Variants in WDPCP observed in about 807,000 individuals in gnomAD.
The protein encoded by WDPCP is WD repeat-containing and planar cell polarity effector protein fritz homolog.
In WDPCP, 71 loss-of-function variants were observed where a neutral mutation model predicts 93.1. The observed-to-expected ratio is 0.76, with a 90% CI of 0.63 to 0.93. The LOEUF is 0.93. Among genes scored for constraint, WDPCP ranks in the 40% least tolerant of loss-of-function variants. The pLI is 0.00. For missense variants in WDPCP, 844 were observed against 887.4 expected (o/e 0.95, Z 0.62); for synonymous variants, 315 against 315.0 (o/e 1.00, Z 0.00).
intron 2 of WDPCP, among the ~76,000 whole-genome samples, chr2:63,682,389 G>A (rs551056768): frequency 7.2e-5 from 11 of 152,274 alleles, no homozygotes; most frequent in Admixed American, 5.2e-4. Flanking sequence ...ATATGCAATA[G>A]GCATACTGAA....
At chr2:63,514,853 T>C (rs1702453024) in intron 1 of WDPCP, among the ~76,000 whole-genome samples, 1 of 152,140 alleles carries the variant, frequency 6.6e-6, no homozygotes, top group South Asian at 2.1e-4. Context: ...AGAATAGATA[T>C]GAACTATCAA....
At chr2:63,460,879 G>C (rs1371007324) in intron 6 of WDPCP, among the ~76,000 whole-genome samples, 1 of 152,092 alleles carries the variant, frequency 6.6e-6, no homozygotes, top group African/African-American at 2.4e-5. Flanking sequence ...ACCCACCTCA[G>C]CCTCCCAAAG....
intron 3 of WDPCP, among the ~76,000 whole-genome samples, chr2:63,630,163 T>TA (rs1438708007): frequency 6.6e-6 from 1 of 151,930 alleles, no homozygotes; most frequent in Admixed American, 6.6e-5. Flanking sequence ...TGTATCTAAA[T>TA]AAATAGAATT....
intron 2 of WDPCP, among the ~76,000 whole-genome samples, chr2:63,730,010 G>A (rs1669537456): frequency 2.0e-5 from 3 of 152,190 alleles, no homozygotes; most frequent in Non-Finnish European, 4.4e-5. Context: ...TCCCCAGGCA[G>A]GGGCATAAGT....
intron 1 of WDPCP, among the ~76,000 whole-genome samples, chr2:63,496,054 C>T (rs1197520206): frequency 1.3e-5 from 2 of 152,094 alleles, no homozygotes; most frequent in Non-Finnish European, 2.9e-5. Flanking sequence ...CTAGACTATA[C>T]TAGAAAAATA....
chr2:63,153,969 T>C (rs1672058453), intron 15 of WDPCP, among the ~76,000 whole-genome samples: 1 of 151,900 alleles, frequency 6.6e-6, no homozygotes, highest in Admixed American at 6.5e-5. Context: ...GTAAAAGTAA[T>C]TCACTTTTGA....
intron 2 of WDPCP, among the ~76,000 whole-genome samples, chr2:63,712,411 G>C (rs374096985): frequency 7.4e-4 from 113 of 152,316 alleles, no homozygotes; most frequent in South Asian, 1.7e-3. Context: ...ACTGAAAGAC[G>C]AATATCAACT....
chr2:63,331,288 T>C (rs1481907338), intron 12 of WDPCP, among the ~76,000 whole-genome samples: 2 of 152,236 alleles, frequency 1.3e-5, no homozygotes, highest in Admixed American at 6.5e-5. Context: ...AGTGTTCTTT[T>C]GTTGGTATGA....
chr2:63,503,492 T>A (rs1239219823), intron 1 of WDPCP, among the ~76,000 whole-genome samples: 1 of 152,112 alleles, frequency 6.6e-6, no homozygotes, highest in African/African-American at 2.4e-5. Flanking sequence ...TATGCCTGCA[T>A]AAGCAAATAA....
At chr2:63,299,937 C>T (rs571893894) in intron 13 of WDPCP, among the ~76,000 whole-genome samples, 50 of 152,186 alleles carry the variant, frequency 3.3e-4, no homozygotes, top group Middle Eastern at 3.4e-3. Context: ...TTTAAGATGG[C>T]GGCTCCATCT....
intron 3 of WDPCP, chr2:63,607,086 G>A (rs2106632014): frequency 8.2e-7 from 1 of 1,216,442 alleles, no homozygotes; most frequent in South Asian, 1.7e-5. Flanking sequence ...TAAATTACTT[G>A]TGAAAAACAA....
At chr2:63,420,997 A>G (rs1441933285) in intron 9 of WDPCP, among the ~76,000 whole-genome samples, 2 of 152,140 alleles carry the variant, frequency 1.3e-5, no homozygotes, top group Admixed American at 1.3e-4. Context: ...ACTCACCTTC[A>G]ATTATATTAC....
At chr2:63,222,493 G>A (rs1307135216) in intron 14 of WDPCP, among the ~76,000 whole-genome samples, 1 of 152,188 alleles carries the variant, frequency 6.6e-6, no homozygotes, top group African/African-American at 2.4e-5. Flanking sequence ...TGTTTCACCT[G>A]CAGTTCTGGT....
At chr2:63,428,554 A>C (rs1019914344) in intron 9 of WDPCP, among the ~76,000 whole-genome samples, 1 of 152,230 alleles carries the variant, frequency 6.6e-6, no homozygotes, top group East Asian at 1.9e-4. Context: ...ACACCCAACA[A>C]ACTCGGTATC....
chr2:63,522,224 C>T (rs1305992479), intron 1 of WDPCP, among the ~76,000 whole-genome samples: 3 of 151,334 alleles, frequency 2.0e-5, no homozygotes, highest in Non-Finnish European at 2.9e-5. Flanking sequence ...CTCCCTGTGT[C>T]GATGTGTTCT....
intron 17 of WDPCP, among the ~76,000 whole-genome samples, chr2:63,123,428 C>G (rs1669681468): frequency 6.6e-6 from 1 of 152,074 alleles, no homozygotes; most frequent in African/African-American, 2.4e-5. Flanking sequence ...GTAGTGTCTT[C>G]TATCCATGAT....
chr2:63,742,984 A>ATGCCAAAAGGGATGTTTACATC, intron 2 of WDPCP, among the ~76,000 whole-genome samples: 1 of 152,076 alleles, frequency 6.6e-6, no homozygotes, highest in South Asian at 2.1e-4. Flanking sequence ...TTGAGCCTCT[A>ATGCCAAAAGGGATGTTTACATC]TTTTATGCCA....
intron 2 of WDPCP, among the ~76,000 whole-genome samples, chr2:63,724,941 G>T (rs1202545579): frequency 6.6e-6 from 1 of 152,190 alleles, no homozygotes; most frequent in Non-Finnish European, 1.5e-5. Flanking sequence ...TGGAAGAACT[G>T]CTTTCATATC....
intron 13 of WDPCP, among the ~76,000 whole-genome samples, chr2:63,303,579 A>G (rs534435071): frequency 3.3e-5 from 5 of 152,318 alleles, no homozygotes; most frequent in South Asian, 2.1e-4. Context: ...TATCATCAGT[A>G]TAATGGAAAA....
Sources: allele counts gnomAD v4.1 joint callset (sites outside exome capture counted in the v4.1 genomes callset), GRCh38; gene constraint gnomAD v4.1.1; transcripts MANE v1.5; gene names NCBI Gene and HGNC (gene_info 2026-07-23, HGNC 2026-07-21).